ACYP2: variants seen among roughly 807,000 people sequenced by gnomAD.
ACYP2 encodes the protein acylphosphatase 2.
Under a neutral mutation model 11.2 loss-of-function variants are expected in ACYP2, and 12 were observed. That is an observed-to-expected ratio of 1.08 (90% CI 0.69 to 1.74). ACYP2 has a LOEUF of 1.74. ACYP2 is among the 40% of genes most tolerant of loss of function. ACYP2 has a pLI of 0.00. For synonymous variants in ACYP2, 43 were observed against 32.2 expected (o/e 1.33, Z -1.13); for missense variants, 134 against 101.9 (o/e 1.31, Z -1.35).
In ACYP2 at chr2:54,011,103, A is replaced by G. The variant is rs10432639; in HGVS notation, c.62+37293A>G. Among the ~76,000 whole-genome samples, 536 of 152,260 alleles carry G rather than the reference A, an allele frequency of 3.5e-3. 17 individuals carry two copies. The East Asian group carries it at 0.047, about 13-fold the overall frequency. ...TAACAAAGTAAAATAAAATGTCTCA[A>G]TAAATTTTTAAATCTTTGTTGCTTG... On this transcript the variant is annotated intron_variant, in intron 2 of 6. Transcript: ENST00000607452.
At chr2:54,195,793 G>GATTTTTTTTTT in intron 6 of ACYP2, among the ~76,000 whole-genome samples, 1 of 65,420 alleles carries the variant, frequency 1.5e-5, no homozygotes, top group Admixed American at 1.2e-4. Flanking sequence ...TTTTGTTGTG[G>GATTTTTTTTTT]GTTTTTTTTT....
At chr2:54,087,532 G>A (rs2103675421) in intron 4 of ACYP2, among the ~76,000 whole-genome samples, 1 of 152,176 alleles carries the variant, frequency 6.6e-6, no homozygotes, top group South Asian at 2.1e-4. Context: ...CGTATTTTTT[G>A]TAGAGATGGG....
rs564471792 is a variant in ACYP2, at chr2:54,012,378, A to G, written c.62+38568A>G. Reference sequence around the variant, plus strand: ...AATAAATAATAAACATTAGCCAGGCATGGTGGCACATGCTTGTAGTTCAGC... The same window carrying G: ...AATAAATAATAAACATTAGCCAGGCGTGGTGGCACATGCTTGTAGTTCAGC... On this transcript the variant is annotated intron_variant, in intron 2 of 6. Transcript: ENST00000607452. Among the ~76,000 whole-genome samples, 4 of 152,156 alleles carry G rather than the reference A, an allele frequency of 2.6e-5. No individual in the cohort carries two copies. In the South Asian group the frequency reaches 8.3e-4, roughly 32 times the overall value.
chr2:54,298,803 G>A (rs1689616150), intron 6 of ACYP2, among the ~76,000 whole-genome samples: 1 of 152,242 alleles, frequency 6.6e-6, no homozygotes, highest in Non-Finnish European at 1.5e-5. Flanking sequence ...CTAGGCTGGA[G>A]TGCAGTGGTG....
At chr2:54,289,645 T>C (rs1689219170) in intron 6 of ACYP2, among the ~76,000 whole-genome samples, 1 of 151,818 alleles carries the variant, frequency 6.6e-6, no homozygotes, top group Admixed American at 6.6e-5. Flanking sequence ...TGCCGAAAAA[T>C]ATTGAAATTA....
At chr2:54,107,130 T>C (rs1558532995) in intron 4 of ACYP2, among the ~76,000 whole-genome samples, 1 of 152,250 alleles carries the variant, frequency 6.6e-6, no homozygotes, top group African/African-American at 2.4e-5. Context: ...CTTGGGTAGA[T>C]GGTAGGTGGC....
intron 6 of ACYP2, among the ~76,000 whole-genome samples, chr2:54,230,739 C>T (rs1686199708): frequency 6.6e-6 from 1 of 151,430 alleles, no homozygotes; most frequent in African/African-American, 2.5e-5. Flanking sequence ...CAATTGTCAA[C>T]CAGAAGATGT....
intron 2 of ACYP2, among the ~76,000 whole-genome samples, chr2:54,018,732 C>T (rs1261106372): frequency 6.6e-6 from 1 of 151,998 alleles, no homozygotes; most frequent in Non-Finnish European, 1.5e-5. Flanking sequence ...CAAAATCAAT[C>T]GCTATCTGGG....
In ACYP2 at chr2:54,151,478, TAGAC is replaced by T. The variant is rs137982803; in HGVS notation, c.404+12733_404+12736del. 3.7e-3 allele frequency among the ~76,000 whole-genome samples: 566 copies of T among 152,320 alleles called. 5 individuals carry two copies. The highest frequency in any genetic ancestry group is 0.012 in the African/African-American group (482 of 41,576). Reference sequence around the variant, plus strand: ...TTCATCAAGTTCCTTTTTACACAAATAGACAGGGTTATTAAGAAAGGTTCCATTG... The same window carrying T: ...TTCATCAAGTTCCTTTTTACACAAATAGGGTTATTAAGAAAGGTTCCATTG... On this transcript the variant is annotated intron_variant, in intron 6 of 6. Coordinates refer to ENST00000607452, the MANE Select transcript of ACYP2 (RefSeq NM_001320586.2).
chr2:54,106,871 A>C (rs1679198306), intron 4 of ACYP2, among the ~76,000 whole-genome samples: 1 of 152,166 alleles, frequency 6.6e-6, no homozygotes, highest in South Asian at 2.1e-4. Flanking sequence ...AGCGTGAGCC[A>C]CCATGCCCGG....
At chr2:53,986,629 CTTT>C (rs778989738) in intron 2 of ACYP2, among the ~76,000 whole-genome samples, 2 of 136,478 alleles carry the variant, frequency 1.5e-5, no homozygotes, top group Admixed American at 7.5e-5. Context: ...CAAACCCGGC[CTTT>C]TTTTTTTTTT....
intron 2 of ACYP2, among the ~76,000 whole-genome samples, chr2:54,047,369 T>A (rs1675579561): frequency 6.6e-6 from 1 of 152,208 alleles, no homozygotes; most frequent in African/African-American, 2.4e-5. Context: ...GAGACATTAT[T>A]TTAGAATGTA....
At chr2:54,119,051 C>CTT (rs10542497) in intron 4 of ACYP2, among the ~76,000 whole-genome samples, 789 of 43,770 alleles carry the variant, frequency 0.018, 53 homozygotes, top group Middle Eastern at 0.056. Context: ...TCTTAGTAGT[C>CTT]TTTTTTTTTT....
At chr2:54,279,149 G>T (rs1185419408) in intron 6 of ACYP2, among the ~76,000 whole-genome samples, 1 of 152,224 alleles carries the variant, frequency 6.6e-6, no homozygotes, top group African/African-American at 2.4e-5. Flanking sequence ...GCTGTTTCAT[G>T]AACCTATGGA....
At chr2:54,301,816 T>A (rs886426988) in intron 6 of ACYP2, among the ~76,000 whole-genome samples, 3 of 152,162 alleles carry the variant, frequency 2.0e-5, no homozygotes, top group Admixed American at 6.5e-5. Flanking sequence ...AAAGACTGAC[T>A]GCAAAAACAG....
At chr2:54,170,828 ACAGT>A (rs1454906741) in intron 6 of ACYP2, among the ~76,000 whole-genome samples, 1 of 152,202 alleles carries the variant, frequency 6.6e-6, no homozygotes, top group Non-Finnish European at 1.5e-5. Context: ...AAGTAGTTAC[ACAGT>A]CAAAGGTGGG....
intron 6 of ACYP2, among the ~76,000 whole-genome samples, chr2:54,201,588 T>TTC (rs1244383463): frequency 8.9e-5 from 8 of 90,058 alleles, no homozygotes; most frequent in Admixed American, 8.0e-4. Flanking sequence ...TTCTTTTTCT[T>TTC]TCTTTCTCTT....
At chr2:53,973,310 TG>T (rs1160833559) in intron 1 of ACYP2, among the ~76,000 whole-genome samples, 1 of 152,074 alleles carries the variant, frequency 6.6e-6, no homozygotes, top group East Asian at 1.9e-4. Flanking sequence ...TAAAAAATAA[TG>T]GGGTAGGGAG....
chr2:54,175,641 C>T (rs770018250), intron 6 of ACYP2, among the ~76,000 whole-genome samples: 8 of 152,050 alleles, frequency 5.3e-5, no homozygotes, highest in Non-Finnish European at 1.2e-4. Flanking sequence ...GCTGGGATTA[C>T]AGGCATGAGC....
Sources: allele counts gnomAD v4.1 joint callset (sites outside exome capture counted in the v4.1 genomes callset), GRCh38; gene constraint gnomAD v4.1.1; transcripts MANE v1.5; gene names NCBI Gene and HGNC (gene_info 2026-07-23, HGNC 2026-07-21).